Variants in UBR1 observed in about 807,000 individuals in gnomAD.
The protein encoded by UBR1 is ubiquitin protein ligase E3 component n-recognin 1.
In UBR1, 102 loss-of-function variants were observed where a neutral mutation model predicts 242.1. The ratio of observed to expected loss-of-function variants is 0.42; its 90% CI spans 0.36 to 0.50. The LOEUF is 0.50. Ranked by LOEUF, UBR1 falls within the 20% of genes least tolerant of loss-of-function variation. The pLI, the probability that UBR1 is intolerant of heterozygous loss-of-function variation, is 0.01. For synonymous variants in UBR1, 675 were observed against 684.8 expected (o/e 0.99, Z 0.22); for missense variants, 1,772 against 2,101.8 (o/e 0.84, Z 3.07).
At chr15:43,002,788 T>A in intron 31 of UBR1, 84 bp from the exon 32 acceptor site, 3 of 1,587,548 alleles carry the variant, frequency 1.9e-6, no homozygotes, top group South Asian at 2.3e-5. Context: ...AATCCAAGTT[T>A]TAAAAATCTG....
chr15:43,025,503 A>G, intron 23 of UBR1, 74 bp from the exon 24 acceptor site: 1 of 1,129,920 alleles, frequency 8.9e-7, no homozygotes, highest in South Asian at 1.3e-5. Flanking sequence ...AGCAGTCAGG[A>G]AAGACCCAAC....
intron 22 of UBR1, 123 bp from the exon 23 acceptor site, chr15:43,026,786 C>T (rs2033183789): frequency 7.5e-6 from 6 of 799,600 alleles, no homozygotes; most frequent in African/African-American, 1.8e-5. Flanking sequence ...TCTCATTTAG[C>T]TTATGAAAAA....
chr15:42,956,134 C>T (rs948437981), intron 44 of UBR1, among the ~76,000 whole-genome samples: 4 of 152,092 alleles, frequency 2.6e-5, no homozygotes, highest in South Asian at 2.1e-4. Context: ...ACCTGAGTCA[C>T]GATGCTATTA....
At chr15:42,998,371 G>T in intron 32 of UBR1, 106 bp from the exon 33 acceptor site, 1 of 993,838 alleles carries the variant, frequency 1.0e-6, no homozygotes, top group Non-Finnish European at 1.5e-6. Context: ...AAAAAGTTGA[G>T]TTCCTCCAGA....
At chr15:43,036,450 T>A (rs2033336327) in intron 18 of UBR1, 78 bp downstream of exon 18, 1 of 1,286,764 alleles carries the variant, frequency 7.8e-7, no homozygotes, top group Admixed American at 1.7e-5. Context: ...TAAAAATTAT[T>A]ACATTATCTT....
At chr15:43,055,549 C>T (rs937613776) in intron 11 of UBR1, among the ~76,000 whole-genome samples, 1 of 152,192 alleles carries the variant, frequency 6.6e-6, no homozygotes, top group African/African-American at 2.4e-5. Flanking sequence ...TCTAAACTCT[C>T]CTCTCCATCC....
chr15:43,090,330 T>C (rs546057615), intron 1 of UBR1, among the ~76,000 whole-genome samples: 3 of 152,264 alleles, frequency 2.0e-5, no homozygotes, highest in Admixed American at 6.5e-5. Flanking sequence ...GGTGGTGTGA[T>C]TTTAGCATAT....
intron 39 of UBR1, among the ~76,000 whole-genome samples, chr15:42,975,390 A>G (rs1442593913): frequency 2.6e-5 from 4 of 152,190 alleles, no homozygotes; most frequent in African/African-American, 7.2e-5. Flanking sequence ...ATTATATGGT[A>G]CATCATAGGT....
At chr15:43,060,311 C>A (rs555714716) in intron 6 of UBR1, among the ~76,000 whole-genome samples, 197 bp from the exon 7 acceptor site, 1 of 152,258 alleles carries the variant, frequency 6.6e-6, no homozygotes, top group East Asian at 1.9e-4. Flanking sequence ...ACTTTAATAC[C>A]TCTAGGACAG....
chr15:42,976,433 C>A (rs1000235718), intron 39 of UBR1, among the ~76,000 whole-genome samples: 6 of 152,114 alleles, frequency 3.9e-5, no homozygotes, highest in Non-Finnish European at 7.3e-5. Flanking sequence ...TAGGGACAGA[C>A]CTCGAGGATG....
intron 29 of UBR1, among the ~76,000 whole-genome samples, chr15:43,013,399 G>A (rs1205132566): frequency 6.6e-6 from 1 of 152,136 alleles, no homozygotes; most frequent in African/African-American, 2.4e-5. Context: ...ACCACAGTCA[G>A]AACTCAGAAA....
intron 44 of UBR1, among the ~76,000 whole-genome samples, chr15:42,956,292 T>C (rs1425965379): frequency 6.6e-6 from 1 of 152,164 alleles, no homozygotes; most frequent in Non-Finnish European, 1.5e-5. Flanking sequence ...AAACAACTGT[T>C]GAGCCAGCAA....
chr15:42,997,743 C>G (rs1329380912), intron 33 of UBR1, among the ~76,000 whole-genome samples: 2 of 152,134 alleles, frequency 1.3e-5, no homozygotes, highest in African/African-American at 4.8e-5. Context: ...CATATAATAA[C>G]TCTGCTAATC....
chr15:42,976,587 C>CCGAT (rs1206295399), intron 39 of UBR1, 130 bp downstream of exon 39: 2 of 515,290 alleles, frequency 3.9e-6, no homozygotes, highest in East Asian at 9.0e-5. Flanking sequence ...CATTAAAAAA[C>CCGAT]AGATAATCAT....
At chr15:42,980,140 C>T (rs774923835) in intron 37 of UBR1, among the ~76,000 whole-genome samples, 4 of 152,172 alleles carry the variant, frequency 2.6e-5, no homozygotes, top group East Asian at 1.9e-4. Context: ...CCTGATCCCT[C>T]GTCCTAATTT....
chr15:42,964,537 T>A (rs1416617268), intron 41 of UBR1, among the ~76,000 whole-genome samples: 1 of 152,182 alleles, frequency 6.6e-6, no homozygotes, highest in Non-Finnish European at 1.5e-5. Context: ...GTGATTTTTT[T>A]AAAACATAAA....
intron 12 of UBR1, among the ~76,000 whole-genome samples, chr15:43,054,076 G>A (rs898840253): frequency 2.6e-5 from 4 of 152,168 alleles, no homozygotes; most frequent in Admixed American, 6.5e-5. Flanking sequence ...ACAGCCAGCC[G>A]CAGTAGCTCA....
rs374239353 is a variant in UBR1, at chr15:42,988,925, A to G, written c.3891T>C (p.Phe1297=). The G allele has an allele frequency of 5.0e-6, 8 of 1,609,688 alleles. No individual in the cohort carries two copies. The African/African-American group carries it at 1.1e-4, about 21-fold the overall frequency. The stretch of plus-strand genomic sequence containing the variant: ...ATCCAATTCTATAAATTGTTGTGGC[A>G]AAGAGAATAACCATTTCCTTGATGC... ...SNSIKEMVIL[F]ATTIYRIGLK... Residue 1297 remains phenylalanine, a synonymous_variant, in exon 35 of 47, where the codon TTT becomes TTC. Coordinates refer to ENST00000290650, the MANE Select transcript of UBR1 (RefSeq NM_174916.3).
chr15:43,099,927 G>A (rs1292815516), intron 1 of UBR1, among the ~76,000 whole-genome samples: 2 of 151,184 alleles, frequency 1.3e-5, no homozygotes, highest in Non-Finnish European at 2.9e-5. Flanking sequence ...CCAGACTGGA[G>A]TGCAGTGGTG....
Sources: allele counts gnomAD v4.1 joint callset (sites outside exome capture counted in the v4.1 genomes callset), GRCh38; gene constraint gnomAD v4.1.1; transcripts MANE v1.5; gene names NCBI Gene and HGNC (gene_info 2026-07-23, HGNC 2026-07-21).